The following RIPOR3 variants were observed in gnomAD, a reference collection of about 807,000 sequenced individuals.
RIPOR3 encodes family with sequence similarity 65 member C.
RIPOR3 carries 95 observed loss-of-function variants against 114.3 expected under a neutral mutation model. The observed-to-expected ratio is 0.83, with a 90% CI of 0.70 to 0.99. The LOEUF (loss-of-function observed/expected upper bound fraction) is 0.99, where lower values mean the gene tolerates loss of function less well. Among genes scored for constraint, RIPOR3 ranks in the 50% least tolerant of loss-of-function variants. RIPOR3 has a pLI of 0.00. For synonymous variants in RIPOR3, 575 were observed against 543.8 expected (o/e 1.06, Z -0.80); for missense variants, 1,252 against 1,266.9 (o/e 0.99, Z 0.18).
At chr20:50,603,796 T>C (rs1225532501) in intron 12 of RIPOR3, among the ~76,000 whole-genome samples, 2 of 152,136 alleles carry the variant, frequency 1.3e-5, no homozygotes, top group Non-Finnish European at 2.9e-5. Context: ...GCTGAACCAA[T>C]GATAATGGTT....
rs1424830865 is a variant in RIPOR3 at position 50,593,141 on chromosome 20, A to G, written c.2268T>C (p.Ala756=). ...VVSCGGLLPG[A]GLPEEQIITW... ...TAATGATCTGTTCTTCTGGGAGCCC[A>G]GCTCCGGGGAGCAGCCCACCACAGC... The change falls in exon 18 of 22, where the codon GCT becomes GCC. Residue 756 remains alanine (A), a synonymous_variant. Transcript: ENST00000327979. 1.2e-6 allele frequency: 2 copies of G among 1,613,840 alleles called. No individual in the cohort carries two copies. The highest frequency in any genetic ancestry group is 1.7e-5 in the Admixed American group (1 of 60,032).
chr20:50,660,874 CA>C (rs1272999981), intron 1 of RIPOR3, among the ~76,000 whole-genome samples: 2 of 149,240 alleles, frequency 1.3e-5, no homozygotes, highest in East Asian at 2.0e-4. Flanking sequence ...CCCACCTCAG[CA>C]CCCCCCACCT....
At position 50,595,509 on chromosome 20, in the gene RIPOR3, G is replaced by A. The variant is rs1161329196; in HGVS notation, c.1915-5C>T. On this transcript the variant is annotated splice_region_variant and splice_polypyrimidine_tract_variant and intron_variant, in intron 15 of 21. Coordinates refer to ENST00000327979, the MANE Select transcript of RIPOR3 (RefSeq NM_001290268.2). Reference sequence around the variant, plus strand: ...TAAATTAGGGGAGGCCAGTTTCTGGGAAGCAGCCCAGATGCTCCAGATTAG... The same window carrying A: ...TAAATTAGGGGAGGCCAGTTTCTGGAAAGCAGCCCAGATGCTCCAGATTAG... The A allele has an allele frequency of 6.2e-7, 1 of 1,613,718 alleles. No homozygotes were observed. The highest frequency in any genetic ancestry group is 2.2e-5 in the East Asian group (1 of 44,876).
At chr20:50,666,326 G>C (rs555888217) in intron 1 of RIPOR3, among the ~76,000 whole-genome samples, 2 of 149,372 alleles carry the variant, frequency 1.3e-5, no homozygotes, top group Non-Finnish European at 3.0e-5. Flanking sequence ...CCGGGTTCAA[G>C]CAATTCTCCT....
intron 17 of RIPOR3, among the ~76,000 whole-genome samples, chr20:50,594,072 C>T (rs919888922): frequency 6.6e-6 from 1 of 152,016 alleles, no homozygotes; most frequent in Non-Finnish European, 1.5e-5. Flanking sequence ...AGTTCGAGAC[C>T]AGCCTGGCCA....
intron 16 of RIPOR3, chr20:50,595,140 C>T: frequency 1.7e-6 from 1 of 582,892 alleles, no homozygotes. Context: ...AGATGTGAAT[C>T]ATTTGCCTAG....
intron 11 of RIPOR3, among the ~76,000 whole-genome samples, chr20:50,606,739 T>C (rs200275493): frequency 7.0e-6 from 1 of 142,992 alleles, no homozygotes; most frequent in African/African-American, 2.6e-5. Flanking sequence ...TTTTTTTTTT[T>C]CTTTTTCTCT....
intron 20 of RIPOR3, 56 bp from the exon 21 acceptor site, chr20:50,587,948 G>C: frequency 6.4e-7 from 1 of 1,558,260 alleles, no homozygotes. Flanking sequence ...ACAGCAGGTA[G>C]AGTCCACTTA....
intron 2 of RIPOR3, among the ~76,000 whole-genome samples, chr20:50,625,652 C>T (rs1054223812): frequency 6.6e-6 from 1 of 152,148 alleles, no homozygotes; most frequent in Non-Finnish European, 1.5e-5. Context: ...CCCAGTGGCT[C>T]CTGGCTCGGG....
intron 12 of RIPOR3, among the ~76,000 whole-genome samples, chr20:50,603,244 GTT>G (rs1178801394): frequency 6.6e-6 from 1 of 152,130 alleles, no homozygotes; most frequent in Non-Finnish European, 1.5e-5. Context: ...TTCGGTTTTT[GTT>G]TTGTTTTGTT....
rs182169794 is a variant in RIPOR3 at position 50,626,888 on chromosome 20, C to G, written c.122+3850G>C. Among the ~76,000 whole-genome samples, 396 of 151,906 alleles carry G rather than the reference C, an allele frequency of 2.6e-3. 4 individuals are homozygous for G. The highest frequency in any genetic ancestry group is 9.2e-3 in the African/African-American group (382 of 41,420). ...AATTAGCTGGGCATGGTGGCACATGCCTGTGATCCCAGCTACTCGGGAGGC... is the reference window on the plus strand; with the variant it reads ...AATTAGCTGGGCATGGTGGCACATGGCTGTGATCCCAGCTACTCGGGAGGC... On this transcript the variant is annotated intron_variant, in intron 2 of 21. Coordinates refer to ENST00000327979, the MANE Select transcript of RIPOR3 (RefSeq NM_001290268.2).
intron 1 of RIPOR3, among the ~76,000 whole-genome samples, chr20:50,650,604 T>A (rs1447896214): frequency 6.6e-6 from 1 of 152,058 alleles, no homozygotes; most frequent in Admixed American, 6.6e-5. Context: ...ACATCCAACC[T>A]CAACATATGA....
intron 4 of RIPOR3, among the ~76,000 whole-genome samples, chr20:50,615,330 C>A (rs1333872157): frequency 1.3e-5 from 2 of 151,684 alleles, no homozygotes; most frequent in Non-Finnish European, 2.9e-5. Flanking sequence ...TCAAGACCAG[C>A]CTAGGCAACA....
chr20:50,637,081 C>T (rs553341393), intron 1 of RIPOR3, among the ~76,000 whole-genome samples: 1 of 152,142 alleles, frequency 6.6e-6, no homozygotes, highest in African/African-American at 2.4e-5. Context: ...GACAGACAGG[C>T]GCCCGAGGAG....
intron 1 of RIPOR3, among the ~76,000 whole-genome samples, chr20:50,678,433 C>A (rs921704450): frequency 6.6e-6 from 1 of 152,186 alleles, no homozygotes; most frequent in Non-Finnish European, 1.5e-5. Flanking sequence ...TGTTTGCATG[C>A]CAGGCCAGAG....
intron 1 of RIPOR3, among the ~76,000 whole-genome samples, chr20:50,677,670 C>A (rs1306038367): frequency 6.8e-6 from 1 of 145,994 alleles, no homozygotes; most frequent in African/African-American, 2.5e-5. Context: ...CCGCGCCTGG[C>A]CTTTTTTTTT....
Position 50,630,744 on chromosome 20 carries a change from C to T in RIPOR3, c.116G>A (p.Arg39Lys), listed in dbSNP as rs779752783. ...GGACACGGGGGGAACTTACGCGATC[C>T]TCCGGCTCTGTGCACTGCTGAAGCC... is the stretch of plus-strand genomic sequence containing the variant. The part of the protein sequence containing the change: ...FAGFSSAQSR[R>K]IAKSINRNSV... Residue 39 changes from arginine (R) to lysine (K), a missense_variant, in exon 2 of 22, where the codon AGG becomes AAG. Coordinates refer to ENST00000327979, the MANE Select transcript of RIPOR3 (RefSeq NM_001290268.2). 6 of 1,608,812 alleles carry T rather than the reference C, an allele frequency of 3.7e-6. No individual in the cohort carries two copies. Among genetic ancestry groups the T allele is most frequent in the South Asian group, 2.2e-5 (2 of 90,204 alleles).
chr20:50,595,284 G>A, intron 16 of RIPOR3, 85 bp downstream of exon 16: 2 of 1,535,722 alleles, frequency 1.3e-6, no homozygotes, highest in Non-Finnish European at 1.8e-6. Context: ...CTGGCTATTA[G>A]GAAGGCAGAA....
chr20:50,674,276 C>A (rs576503797), intron 1 of RIPOR3, among the ~76,000 whole-genome samples: 33 of 152,100 alleles, frequency 2.2e-4, no homozygotes, highest in African/African-American at 6.5e-4. Context: ...AGAGTCCCAA[C>A]CCCAGATTTA....
Sources: allele counts gnomAD v4.1 joint callset (sites outside exome capture counted in the v4.1 genomes callset), GRCh38; gene constraint gnomAD v4.1.1; transcripts MANE v1.5; gene names NCBI Gene and HGNC (gene_info 2026-07-23, HGNC 2026-07-21).